The following ZC3H12B variants were observed in gnomAD, a reference collection of about 807,000 sequenced individuals.
The protein encoded by ZC3H12B is zinc finger CCCH-type containing 12B.
Under a neutral mutation model 43.9 loss-of-function variants are expected in ZC3H12B, and 7 were observed. The observed-to-expected ratio is 0.16, with a 90% CI of 0.09 to 0.30. The LOEUF is 0.30. Among genes scored for constraint, ZC3H12B ranks in the 10% least tolerant of loss-of-function variants. The pLI is 1.00. For synonymous variants in ZC3H12B, 222 were observed against 241.7 expected, an observed-to-expected ratio of 0.92 and a Z score of 0.76; for missense variants, 475 against 670.2, an observed-to-expected ratio of 0.71 and a Z score of 3.22.
the ZC3H12B span, among the ~76,000 whole-genome samples, chrX:65,112,314 G>C: frequency 1.8e-5 from 2 of 112,377 alleles, no homozygotes; most frequent in African/African-American, 6.5e-5. Flanking sequence ...GAAAGAAGCT[G>C]TCTTCATAAC....
chrX:65,353,652 G>A, the ZC3H12B span, among the ~76,000 whole-genome samples: 21 of 112,090 alleles, frequency 1.9e-4, no homozygotes, highest in African/African-American at 6.8e-4. Context: ...AAGCCAGGGA[G>A]TCAAGTGGTC....
intron 2 of ZC3H12B, among the ~76,000 whole-genome samples, chrX:65,371,900 A>T (rs2066249521): frequency 9.0e-6 from 1 of 111,342 alleles, no homozygotes; most frequent in Admixed American, 9.6e-5. Flanking sequence ...GAAACTGCCA[A>T]AGAAGTGTAC....
chrX:65,206,989 C>G, the ZC3H12B span, among the ~76,000 whole-genome samples: 1 of 95,829 alleles, frequency 1.0e-5, no homozygotes, highest in East Asian at 3.0e-4. Context: ...TGGCCATAAT[C>G]AAAAAATCAA....
the ZC3H12B span, among the ~76,000 whole-genome samples, chrX:65,212,028 G>A: frequency 1.6e-5 from 1 of 61,306 alleles, no homozygotes. Context: ...TAATATATAT[G>A]TTATGTATAA....
the ZC3H12B span, among the ~76,000 whole-genome samples, chrX:65,202,028 A>C: frequency 1.1e-5 from 1 of 88,356 alleles, no homozygotes; most frequent in African/African-American, 4.6e-5. Flanking sequence ...TCTTTCCTTT[A>C]TAAATTACTT....
chrX:65,394,656 T>G (rs1395151510), intron 2 of ZC3H12B, among the ~76,000 whole-genome samples: 1 of 111,928 alleles, frequency 8.9e-6, no homozygotes, highest in Non-Finnish European at 1.9e-5. Flanking sequence ...GCTTTGTTCT[T>G]TTTACTTAGG....
At chrX:65,070,291 C>T in the ZC3H12B span, among the ~76,000 whole-genome samples, 1 of 110,460 alleles carries the variant, frequency 9.1e-6, no homozygotes, top group Non-Finnish European at 1.9e-5. Flanking sequence ...TGGTAATGTT[C>T]CCTTTGTCAT....
At chrX:65,359,937 T>G in the ZC3H12B span, among the ~76,000 whole-genome samples, 1 of 111,816 alleles carries the variant, frequency 8.9e-6, no homozygotes, top group African/African-American at 3.2e-5. Context: ...TTTTCTAAAT[T>G]TAAGAAATTG....
At chrX:65,357,968 CAT>C in the ZC3H12B span, among the ~76,000 whole-genome samples, 2 of 106,841 alleles carry the variant, frequency 1.9e-5, no homozygotes, top group African/African-American at 7.0e-5. Flanking sequence ...CAAAGACACA[CAT>C]AGGCTCAAAA....
rs139709424 is a variant in ZC3H12B at position 65,469,603 on chromosome X, C to G, written n.408-19043C>G. The G allele has an allele frequency of 3.0e-3, 687 of 228,554 alleles. 8 individuals are homozygous for G. The highest frequency in any genetic ancestry group is 0.018 in the African/African-American group (638 of 35,095). The allele number at this position is 228,554 out of a possible 1,213,427, so 18.8% of individuals were successfully genotyped here. On this transcript the variant is annotated intron_variant and non_coding_transcript_variant, in intron 3 of 5. Coordinates refer to the ZC3H12B transcript ENST00000617377. Reference sequence around the variant, plus strand: ...GCTCAGATACTACTGCCTCAGCACCCAGGTCTAGCCACTGACCTGGATTGA... The same window carrying G: ...GCTCAGATACTACTGCCTCAGCACCGAGGTCTAGCCACTGACCTGGATTGA...
chrX:65,424,717 A>G (rs1451415812), intron 3 of ZC3H12B, among the ~76,000 whole-genome samples: 1 of 111,848 alleles, frequency 8.9e-6, no homozygotes, highest in African/African-American at 3.3e-5. Context: ...AATTTTTTGT[A>G]TAGGGAATCC....
chrX:65,416,641 T>A (rs1341221518), intron 3 of ZC3H12B, among the ~76,000 whole-genome samples: 16 of 104,383 alleles, frequency 1.5e-4, no homozygotes, highest in Admixed American at 8.1e-4. Context: ...AAAAAAAAAA[T>A]TAGCCAAGTG....
chrX:65,444,097 T>C (rs1251280423), intron 3 of ZC3H12B, among the ~76,000 whole-genome samples: 1 of 112,585 alleles, frequency 8.9e-6, no homozygotes, highest in Non-Finnish European at 1.9e-5. Flanking sequence ...TTCTTTCTTA[T>C]CTACCTCTCT....
At chrX:65,498,429 TCA>T (rs764521040) in intron 2 of ZC3H12B, among the ~76,000 whole-genome samples, 86 of 111,827 alleles carry the variant, frequency 7.7e-4, no homozygotes, top group Non-Finnish European at 9.4e-4. Flanking sequence ...CTCTTGAGCC[TCA>T]GTCTGAGAAT....
At chrX:65,119,408 G>A in the ZC3H12B span, among the ~76,000 whole-genome samples, 1 of 112,155 alleles carries the variant, frequency 8.9e-6, no homozygotes, top group African/African-American at 3.2e-5. Context: ...CAGTGATGAT[G>A]AGCATTTTTT....
the ZC3H12B span, among the ~76,000 whole-genome samples, chrX:65,160,306 G>C: frequency 2.7e-4 from 30 of 111,469 alleles, no homozygotes; most frequent in African/African-American, 8.1e-4. Flanking sequence ...TCCTTCTTTT[G>C]TATTGATTGG....
At chrX:65,050,691 A>G in the ZC3H12B span, among the ~76,000 whole-genome samples, 1 of 111,631 alleles carries the variant, frequency 9.0e-6, no homozygotes, top group Admixed American at 9.5e-5. Flanking sequence ...TGGAATTTTT[A>G]TTCTTCACTT....
At chrX:65,288,654 A>T in the ZC3H12B span, among the ~76,000 whole-genome samples, 24 of 112,182 alleles carry the variant, frequency 2.1e-4, no homozygotes, top group Non-Finnish European at 4.3e-4. Context: ...AGTGGGGAAA[A>T]GTTGAAAGCC....
the ZC3H12B span, among the ~76,000 whole-genome samples, chrX:65,232,016 A>C: frequency 9.1e-6 from 1 of 109,747 alleles, no homozygotes; most frequent in African/African-American, 3.3e-5. Flanking sequence ...CGGGCAGAAC[A>C]CAAGGTCAGG....
Sources: gnomAD v4.1 joint callset for allele counts (sites outside exome capture counted in the v4.1 genomes callset) on GRCh38, gnomAD v4.1.1 for gene constraint, MANE v1.5 for transcripts, NCBI Gene and HGNC (gene_info 2026-07-23, HGNC 2026-07-21) for gene names.